SLC4A10: variants seen among roughly 807,000 people sequenced by gnomAD.
SLC4A10 encodes the protein solute carrier family 4 member 10.
Under a neutral mutation model 137.7 loss-of-function variants are expected in SLC4A10, and 42 were observed. That is an observed-to-expected ratio of 0.30 (90% CI 0.24 to 0.39). The LOEUF is 0.39. Ranked by LOEUF, SLC4A10 falls within the 10% of genes least tolerant of loss-of-function variation. The probability of loss-of-function intolerance (pLI) is 1.00; values close to 1 mark genes in which losing one functional copy is unlikely to be tolerated. For synonymous variants in SLC4A10, 474 were observed against 464.1 expected (o/e 1.02, Z -0.27); for missense variants, 925 against 1,355.0 (o/e 0.68, Z 4.98).
intron 1 of SLC4A10, among the ~76,000 whole-genome samples, chr2:161,650,178 G>A (rs772757206): frequency 1.3e-5 from 2 of 151,936 alleles, no homozygotes; most frequent in Non-Finnish European, 2.9e-5. Flanking sequence ...TGTTTTTCAT[G>A]ATCTTGATAC....
At chr2:161,718,439 G>A (rs1297529448) in intron 1 of SLC4A10, among the ~76,000 whole-genome samples, 1 of 152,116 alleles carries the variant, frequency 6.6e-6, no homozygotes, top group Non-Finnish European at 1.5e-5. Flanking sequence ...GCAGCATTTA[G>A]TGCTATAAAT....
chr2:161,864,466 T>C (rs1310504969), intron 6 of SLC4A10, among the ~76,000 whole-genome samples: 1 of 152,128 alleles, frequency 6.6e-6, no homozygotes, highest in Non-Finnish European at 1.5e-5. Context: ...GGTAAATGCT[T>C]TATTAAATAG....
At position 161,641,270 on chromosome 2, in the gene SLC4A10, C is replaced by G. The variant is rs61658534; in HGVS notation, c.48+16704C>G. The stretch of plus-strand genomic sequence containing the variant: ...TTATGTACTTTCATTTATGTCATTT[C>G]TTATGAAGATACTCATTCTTATTTG... On this transcript the variant is annotated intron_variant, in intron 1 of 26. Transcript: ENST00000446997. 2.5e-3 allele frequency among the ~76,000 whole-genome samples: 381 copies of G among 152,102 alleles called. 10 individuals carry two copies. The East Asian group carries it at 0.056, about 22-fold the overall frequency.
Position 161,957,145 on chromosome 2 carries a change from C to A in SLC4A10, c.2698C>A (p.Gln900Lys). 6.2e-7 allele frequency: 1 copy of A among 1,613,788 alleles called. No individual in the cohort carries two copies. Among genetic ancestry groups the A allele is most frequent in the Non-Finnish European group, 8.5e-7 (1 of 1,179,824 alleles). Reference protein sequence around the residue: ...LESECSAPGEQPKFLGIREQR... With the variant: ...LESECSAPGEKPKFLGIREQR... ...ATCAGAATGCTCAGCTCCAGGAGAA[C>A]AACCCAAATTTCTCGGCATTCGGGA... Residue 900 changes from glutamine (Q) to lysine (K), a missense_variant, in exon 20 of 27, where the codon CAA becomes AAA. Gln to Lys is a moderately conservative substitution (Grantham distance 53, BLOSUM62 1). Coordinates refer to ENST00000446997, the MANE Select transcript of SLC4A10 (RefSeq NM_001178015.2).
In SLC4A10 at chr2:161,787,334, TCTAA is replaced by T. The variant is rs1169546540; in HGVS notation, c.130+16283_130+16286del. Among the ~76,000 whole-genome samples, 4 of 152,278 alleles carry T rather than the reference TCTAA, an allele frequency of 2.6e-5. 1 individual carries two copies. The highest frequency in any genetic ancestry group is 1.3e-4 in the Admixed American group (2 of 15,288). Reference sequence around the variant, plus strand: ...CTTTACAGGTGACTTGACTGTTCTCTCTAACTCTCTTTAAGATTTTTTCTTTAGC... The same window carrying T: ...CTTTACAGGTGACTTGACTGTTCTCTCTCTCTTTAAGATTTTTTCTTTAGC... On this transcript the variant is annotated intron_variant, in intron 2 of 26. Transcript: ENST00000446997.
intron 4 of SLC4A10, among the ~76,000 whole-genome samples, chr2:161,844,093 G>A (rs1441026040): frequency 6.6e-6 from 1 of 152,124 alleles, no homozygotes; most frequent in Non-Finnish European, 1.5e-5. Flanking sequence ...TACCACAGCT[G>A]TGCAGTTGTG....
chr2:161,768,082 G>A (rs1195160703), intron 1 of SLC4A10, among the ~76,000 whole-genome samples: 3 of 151,826 alleles, frequency 2.0e-5, no homozygotes, highest in Non-Finnish European at 2.9e-5. Flanking sequence ...CTTTCCTTTA[G>A]CCTTCAGATA....
At chr2:161,952,012 TA>T (rs1694890621) in intron 19 of SLC4A10, among the ~76,000 whole-genome samples, 2 of 152,110 alleles carry the variant, frequency 1.3e-5, no homozygotes, top group South Asian at 2.1e-4. Flanking sequence ...AAAAATCAAC[TA>T]AAAAACCTGT....
intron 21 of SLC4A10, 132 bp from the exon 22 acceptor site, chr2:161,964,003 G>A: frequency 1.6e-6 from 1 of 639,922 alleles, no homozygotes; most frequent in South Asian, 2.4e-5. Flanking sequence ...TTGTCTTGAT[G>A]CCGAGATATC....
Position 161,872,394 on chromosome 2 carries a change from T to G in SLC4A10, c.858+10T>G. 6.2e-7 allele frequency: 1 copy of G among 1,607,800 alleles called. No individual in the cohort carries two copies. Among genetic ancestry groups the G allele is most frequent in the Admixed American group, 1.7e-5 (1 of 59,990 alleles). ...TGTTGACTTTAGCAAGGTGAGCTTT[T>G]CTCCCTCTCATCTAAGTAAGTTGCT... On this transcript the variant is annotated intron_variant, in intron 7 of 26. Coordinates refer to ENST00000446997, the MANE Select transcript of SLC4A10 (RefSeq NM_001178015.2).
At chr2:161,685,149 T>C (rs974542085) in intron 1 of SLC4A10, among the ~76,000 whole-genome samples, 1 of 152,198 alleles carries the variant, frequency 6.6e-6, no homozygotes, top group Non-Finnish European at 1.5e-5. Flanking sequence ...TACTGAGTTA[T>C]GGTTAATGAT....
chr2:161,967,921 A>G lies in SLC4A10; in HGVS notation c.3159+2748A>G, dbSNP rs542053493. 2.4e-4 allele frequency among the ~76,000 whole-genome samples: 37 copies of G among 151,580 alleles called. 1 individual carries two copies. Among genetic ancestry groups the G allele is most frequent in the Non-Finnish European group, 4.9e-4 (33 of 67,900 alleles). ...TACTCAAGCAGTAACTTACATATCT[A>G]ATTTTGCTTTATTTTTCTGCTTTTT... On this transcript the variant is annotated intron_variant, in intron 23 of 26. Coordinates refer to ENST00000446997, the MANE Select transcript of SLC4A10 (RefSeq NM_001178015.2).
chr2:161,822,196 T>C (rs1351959988), intron 3 of SLC4A10, among the ~76,000 whole-genome samples: 1 of 152,180 alleles, frequency 6.6e-6, no homozygotes, highest in African/African-American at 2.4e-5. Flanking sequence ...CTCATGTACA[T>C]AGCAATTGAG....
intron 1 of SLC4A10, among the ~76,000 whole-genome samples, chr2:161,669,756 T>G (rs958649073): frequency 6.6e-6 from 1 of 152,010 alleles, no homozygotes; most frequent in African/African-American, 2.4e-5. Context: ...ATGAGGCTTG[T>G]TGTTGCTTCC....
intron 1 of SLC4A10, among the ~76,000 whole-genome samples, chr2:161,681,805 G>GA (rs1485374859): frequency 6.6e-6 from 1 of 152,068 alleles, no homozygotes; most frequent in Non-Finnish European, 1.5e-5. Flanking sequence ...TTCCTGGAAT[G>GA]AAAACCTAAT....
intron 26 of SLC4A10, among the ~76,000 whole-genome samples, chr2:161,978,248 G>T (rs757418724): frequency 1.5e-4 from 23 of 151,812 alleles, no homozygotes; most frequent in Non-Finnish European, 2.9e-4. Context: ...TTAGCCAGGC[G>T]TGGTGGCGGA....
At chr2:161,878,464 G>A (rs933864440) in intron 8 of SLC4A10, among the ~76,000 whole-genome samples, 1 of 152,050 alleles carries the variant, frequency 6.6e-6, no homozygotes, top group Non-Finnish European at 1.5e-5. Flanking sequence ...TTTGCTTTGT[G>A]TACATTCATT....
intron 3 of SLC4A10, among the ~76,000 whole-genome samples, chr2:161,830,009 T>C (rs993013248): frequency 2.0e-5 from 3 of 152,190 alleles, no homozygotes; most frequent in Non-Finnish European, 4.4e-5. Flanking sequence ...ATAAGAATTA[T>C]GGGAGCTAAA....
At chr2:161,758,222 T>C (rs923092831) in intron 1 of SLC4A10, among the ~76,000 whole-genome samples, 2 of 151,978 alleles carry the variant, frequency 1.3e-5, no homozygotes, top group Non-Finnish European at 2.9e-5. Context: ...AACATATCAC[T>C]AATAAATAAT....
Sources: gnomAD v4.1 joint callset for allele counts (sites outside exome capture counted in the v4.1 genomes callset) on GRCh38, gnomAD v4.1.1 for gene constraint, MANE v1.5 for transcripts, NCBI Gene and HGNC (gene_info 2026-07-23, HGNC 2026-07-21) for gene names.